IL1RAPL2: variants seen among roughly 807,000 people sequenced by gnomAD.
IL1RAPL2 encodes interleukin 1 receptor accessory protein like 2, also known as X-linked interleukin-1 receptor accessory protein-like 2.
A neutral mutation model predicts 44.1 loss-of-function variants in IL1RAPL2; 3 were observed. The ratio of observed to expected loss-of-function variants is 0.07; its 90% CI spans 0.03 to 0.18. The LOEUF is 0.18. Ranked by LOEUF, IL1RAPL2 falls within the 10% of genes least tolerant of loss-of-function variation. The pLI is 1.00. For missense variants in IL1RAPL2, 391 were observed against 496.4 expected, an observed-to-expected ratio of 0.79 and a Z score of 2.02; for synonymous variants, 181 against 178.8, an observed-to-expected ratio of 1.01 and a Z score of -0.10.
At chrX:105,031,562 G>A (rs1176720943) in intron 2 of IL1RAPL2, among the ~76,000 whole-genome samples, 3 of 111,919 alleles carry the variant, frequency 2.7e-5, no homozygotes, top group Non-Finnish European at 5.6e-5. Flanking sequence ...ATTTGTGTAT[G>A]TTGAACCAAC....
At chrX:104,705,280 GA>G (rs1305941345) in intron 2 of IL1RAPL2, among the ~76,000 whole-genome samples, 1 of 111,169 alleles carries the variant, frequency 9.0e-6, no homozygotes, top group Non-Finnish European at 1.9e-5. Context: ...GTGGAGCATG[GA>G]ATCTAATAAC....
chrX:105,119,844 TAAC>T (rs2032903271), intron 2 of IL1RAPL2, among the ~76,000 whole-genome samples: 1 of 111,199 alleles, frequency 9.0e-6, no homozygotes, highest in African/African-American at 3.3e-5. Flanking sequence ...ATAATGATGA[TAAC>T]AATGACTATA....
chrX:104,631,940 G>A (rs1929660248), intron 1 of IL1RAPL2, among the ~76,000 whole-genome samples: 1 of 110,300 alleles, frequency 9.1e-6, no homozygotes, highest in Non-Finnish European at 1.9e-5. Flanking sequence ...GAATGGTATT[G>A]CCTAGGTTTT....
chrX:105,160,655 T>C, intron 2 of IL1RAPL2, among the ~76,000 whole-genome samples: 1 of 111,070 alleles, frequency 9.0e-6, no homozygotes, highest in Non-Finnish European at 1.9e-5. Flanking sequence ...AAACCATAAA[T>C]CTAAGAGAGA....
At chrX:104,835,237 A>G (rs1052328419) in intron 2 of IL1RAPL2, among the ~76,000 whole-genome samples, 1 of 111,628 alleles carries the variant, frequency 9.0e-6, no homozygotes, top group African/African-American at 3.3e-5. Context: ...AAACCTGTGT[A>G]ATAACACTAA....
At chrX:105,184,101 C>G (rs1409599035) in intron 2 of IL1RAPL2, among the ~76,000 whole-genome samples, 1 of 111,759 alleles carries the variant, frequency 8.9e-6, no homozygotes, top group Non-Finnish European at 1.9e-5. Flanking sequence ...CTTACCCTTC[C>G]CCCACATTGG....
At chrX:105,092,925 A>G (rs2032561800) in intron 2 of IL1RAPL2, among the ~76,000 whole-genome samples, 1 of 111,103 alleles carries the variant, frequency 9.0e-6, no homozygotes, top group Non-Finnish European at 1.9e-5. Flanking sequence ...CTATACATAG[A>G]ATAAAGAAAG....
At position 104,602,189 on chromosome X, in the gene IL1RAPL2, G is replaced by A. The variant is rs188292923; in HGVS notation, c.-20+35138G>A. Among the ~76,000 whole-genome samples, 406 of 111,437 alleles carry A rather than the reference G, an allele frequency of 3.6e-3. 2 individuals are homozygous for A. The highest frequency in any genetic ancestry group is 0.019 in the Middle Eastern group (4 of 214). On this transcript the variant is annotated intron_variant, in intron 1 of 10. Coordinates refer to ENST00000372582, the MANE Select transcript of IL1RAPL2 (RefSeq NM_017416.2). ...GGTTGCAGCCCATGGAGGGTGAGCC[G>A]AAGCAGGGTGAGGCGTTGCCTCACC...
chrX:104,729,047 A>G (rs999618471), intron 2 of IL1RAPL2, among the ~76,000 whole-genome samples: 1 of 111,439 alleles, frequency 9.0e-6, no homozygotes, highest in Non-Finnish European at 1.9e-5. Flanking sequence ...GGAGTAATCA[A>G]CAAAATTATT....
chrX:105,447,718 T>A (rs1220828796), intron 5 of IL1RAPL2, among the ~76,000 whole-genome samples: 1 of 83,990 alleles, frequency 1.2e-5, no homozygotes, highest in Non-Finnish European at 2.1e-5. Context: ...ATTAAAAATA[T>A]AAATATATAA....
At chrX:105,424,840 C>T (rs1834219712) in intron 5 of IL1RAPL2, among the ~76,000 whole-genome samples, 1 of 110,206 alleles carries the variant, frequency 9.1e-6, no homozygotes, top group Admixed American at 9.6e-5. Flanking sequence ...CTTTTCTTTC[C>T]ACCTTGTCTT....
intron 2 of IL1RAPL2, among the ~76,000 whole-genome samples, chrX:105,189,212 A>C (rs1556135750): frequency 8.9e-6 from 1 of 112,390 alleles, no homozygotes; most frequent in East Asian, 2.8e-4. Flanking sequence ...GAATTGACTG[A>C]ATTTTATTTA....
At chrX:105,581,714 G>A (rs2037090151) in intron 6 of IL1RAPL2, among the ~76,000 whole-genome samples, 1 of 111,168 alleles carries the variant, frequency 9.0e-6, no homozygotes, top group South Asian at 3.7e-4. Flanking sequence ...AATAATGAGA[G>A]TATATTTGTT....
chrX:105,625,473 T>C (rs2037446719), intron 6 of IL1RAPL2, among the ~76,000 whole-genome samples: 2 of 112,278 alleles, frequency 1.8e-5, no homozygotes, highest in Admixed American at 1.9e-4. Flanking sequence ...AGCCCTTTTA[T>C]TATGTGTATC....
intron 2 of IL1RAPL2, among the ~76,000 whole-genome samples, chrX:104,759,502 C>T (rs1932392799): frequency 9.0e-6 from 1 of 111,130 alleles, no homozygotes; most frequent in Admixed American, 9.6e-5. Flanking sequence ...TACAATATGT[C>T]TAGGAGCAGC....
chrX:104,650,641 A>G (rs1351378050), intron 1 of IL1RAPL2, among the ~76,000 whole-genome samples: 1 of 111,947 alleles, frequency 8.9e-6, no homozygotes, highest in Non-Finnish European at 1.9e-5. Context: ...ACATGCTAAA[A>G]AAAACCACTT....
intron 5 of IL1RAPL2, among the ~76,000 whole-genome samples, chrX:105,414,494 C>T (rs1352899311): frequency 8.9e-6 from 1 of 111,793 alleles, no homozygotes; most frequent in Non-Finnish European, 1.9e-5. Context: ...CTTCAAACTC[C>T]TTAACTTGAA....
chrX:105,029,967 C>T (rs1170338470), intron 2 of IL1RAPL2, among the ~76,000 whole-genome samples: 1 of 111,838 alleles, frequency 8.9e-6, no homozygotes, highest in Non-Finnish European at 1.9e-5. Flanking sequence ...GATGGTATCT[C>T]ATTGTGGTTT....
At chrX:104,996,950 C>T (rs1333319273) in intron 2 of IL1RAPL2, among the ~76,000 whole-genome samples, 1 of 111,227 alleles carries the variant, frequency 9.0e-6, no homozygotes, top group East Asian at 2.9e-4. Flanking sequence ...AGGGTAAAAA[C>T]CTAAGGAAGC....
Sources: allele counts gnomAD v4.1 joint callset (sites outside exome capture counted in the v4.1 genomes callset), GRCh38; gene constraint gnomAD v4.1.1; transcripts MANE v1.5; gene names NCBI Gene and HGNC (gene_info 2026-07-23, HGNC 2026-07-21).